The following MBNL3 variants were observed in gnomAD, a reference collection of about 807,000 sequenced individuals.
MBNL3 encodes the protein muscleblind-like protein 3.
Under a neutral mutation model 24.5 loss-of-function variants are expected in MBNL3, and 6 were observed. The observed-to-expected ratio is 0.25, with a 90% confidence interval of 0.13 to 0.48. MBNL3 has a LOEUF of 0.48. Among genes scored for constraint, MBNL3 ranks in the 20% least tolerant of loss-of-function variants. The pLI is 0.99. For missense variants in MBNL3, 230 were observed against 293.5 expected, an observed-to-expected ratio of 0.78 and a Z score of 1.58; for synonymous variants, 100 against 101.7, an observed-to-expected ratio of 0.98 and a Z score of 0.10.
Position 132,488,142 on chromosome X carries a change from T to C in MBNL3, c.-704+709A>G, listed in dbSNP as rs1948104211. Reference sequence around the variant, plus strand: ...GTAAGAACATCTAGGAGAAAATAACTCCTTTAAAACATATTACTTTAATTA... The same window carrying C: ...GTAAGAACATCTAGGAGAAAATAACCCCTTTAAAACATATTACTTTAATTA... On this transcript the variant is annotated intron_variant, in intron 1 of 8. Transcript: ENST00000370853. Among the ~76,000 whole-genome samples the C allele has an allele frequency of 1.8e-5, 2 of 111,482 alleles. 1 individual carries two copies. Among genetic ancestry groups the C allele is most frequent in the South Asian group, 7.5e-4 (2 of 2,665 alleles).
At chrX:132,446,434 TC>T (rs891270263) in intron 1 of MBNL3, among the ~76,000 whole-genome samples, 2 of 111,367 alleles carry the variant, frequency 1.8e-5, no homozygotes, top group Admixed American at 9.5e-5. Flanking sequence ...CATTCCTATT[TC>T]TCCACATCCT....
At chrX:132,463,917 GT>G (rs1461286052) in intron 1 of MBNL3, among the ~76,000 whole-genome samples, 3 of 111,970 alleles carry the variant, frequency 2.7e-5, no homozygotes, top group African/African-American at 9.7e-5. Flanking sequence ...AGCCATCACT[GT>G]CCCTAAAAAA....
At position 132,386,717 on chromosome X, in the gene MBNL3, T is replaced by C; in HGVS notation, c.866A>G (p.His289Arg). 3.3e-6 allele frequency: 4 copies of C among 1,210,773 alleles called. No homozygotes were observed. Among genetic ancestry groups the C allele is most frequent in the Non-Finnish European group, 4.5e-6 (4 of 895,372 alleles). Reference sequence around the variant, plus strand: ...CAGGTTAGTCAGAGCCTGTTGGCAGTGGAAAACAGTGGGATTAAAGACCGG... The same window carrying C: ...CAGGTTAGTCAGAGCCTGTTGGCAGCGGAAAACAGTGGGATTAAAGACCGG... ...ATPVFNPTVF[H>R]CQQALTNLQL... Residue 289 changes from histidine (H) to arginine (R), a missense_variant, in exon 6 of 9, where the codon CAC (histidine) becomes CGC (arginine). Transcript: ENST00000370853.
intron 3 of MBNL3, among the ~76,000 whole-genome samples, chrX:132,403,644 C>G (rs933020008): frequency 8.9e-6 from 1 of 111,783 alleles, no homozygotes; most frequent in African/African-American, 3.3e-5. Context: ...AAGCTACTCC[C>G]TATTCTCCAG....
intron 2 of MBNL3, among the ~76,000 whole-genome samples, chrX:132,407,031 G>GT (rs1212929219): frequency 8.9e-6 from 1 of 111,945 alleles, no homozygotes; most frequent in African/African-American, 3.2e-5. Context: ...GGGCAACTTT[G>GT]TTTTTGGACC....
chrX:132,381,580 T>C, intron 8 of MBNL3: 2 of 313,571 alleles, frequency 6.4e-6, no homozygotes, highest in Non-Finnish European at 1.1e-5. Context: ...AATTATTGTA[T>C]GTATCTCCTT....
At chrX:132,489,680 G>A (rs1948191496), upstream of MBNL3, 1 of 88,156 alleles carries the variant, frequency 1.1e-5, no homozygotes, top group Admixed American at 1.2e-4. Context: ...GCGCCAAAAC[G>A]GAAACTCCCG....
At chrX:132,489,628 A>G (rs1369827360), upstream of MBNL3, among the ~76,000 whole-genome samples, 113 of 111,338 alleles carry the variant, frequency 1.0e-3, no homozygotes, top group African/African-American at 3.5e-3. Flanking sequence ...CGCCGGACAG[A>G]CGCGGCACGC....
At chrX:132,481,231 G>C (rs1397047932) in intron 1 of MBNL3, among the ~76,000 whole-genome samples, 4 of 111,675 alleles carry the variant, frequency 3.6e-5, no homozygotes, top group African/African-American at 1.3e-4. Flanking sequence ...GATTTCTTTG[G>C]GGATAGACAC....
At chrX:132,442,817 G>A (rs1945455332) in intron 1 of MBNL3, among the ~76,000 whole-genome samples, 1 of 112,113 alleles carries the variant, frequency 8.9e-6, no homozygotes, top group African/African-American at 3.2e-5. Context: ...ATTCTTCAAA[G>A]CATTTCTAGC....
chrX:132,449,125 G>T (rs151105940), intron 1 of MBNL3, among the ~76,000 whole-genome samples: 1 of 111,781 alleles, frequency 8.9e-6, no homozygotes, highest in Non-Finnish European at 1.9e-5. Flanking sequence ...GGTTTGGGAC[G>T]GAGAGTTCTG....
intron 2 of MBNL3, among the ~76,000 whole-genome samples, chrX:132,429,295 G>T (rs1944549874): frequency 8.9e-6 from 1 of 112,361 alleles, no homozygotes; most frequent in Non-Finnish European, 1.9e-5. Flanking sequence ...GTACTAATGA[G>T]TATATAACAG....
At chrX:132,384,814 C>T in intron 6 of MBNL3, 116 bp from the exon 7 acceptor site, 1 of 546,774 alleles carries the variant, frequency 1.8e-6, no homozygotes, top group Non-Finnish European at 2.7e-6. Context: ...AATTACTCAG[C>T]ACATGCAAGT....
At chrX:132,425,875 A>T (rs1944264781) in intron 2 of MBNL3, among the ~76,000 whole-genome samples, 1 of 112,256 alleles carries the variant, frequency 8.9e-6, no homozygotes, top group East Asian at 2.8e-4. Flanking sequence ...CAGTTGGAGA[A>T]TATCCAACAG....
intron 1 of MBNL3, among the ~76,000 whole-genome samples, chrX:132,462,805 A>C (rs1946693450): frequency 1.8e-5 from 2 of 111,573 alleles, no homozygotes; most frequent in Admixed American, 1.9e-4. Context: ...TACGTGACAC[A>C]GTTCTTTCCT....
intron 1 of MBNL3, among the ~76,000 whole-genome samples, chrX:132,463,011 C>T (rs371049707): frequency 2.7e-5 from 3 of 111,642 alleles, no homozygotes; most frequent in African/African-American, 9.8e-5. Context: ...TTTTGAATAA[C>T]GTAAAGAATC....
intron 2 of MBNL3, 67 bp from the exon 3 acceptor site, chrX:132,406,459 A>G: frequency 3.0e-6 from 3 of 993,745 alleles, no homozygotes; most frequent in Non-Finnish European, 4.0e-6. Flanking sequence ...TTTGGACTCC[A>G]TTATCTGGGG....
At chrX:132,469,677 C>T (rs1360332789) in intron 1 of MBNL3, among the ~76,000 whole-genome samples, 1 of 112,310 alleles carries the variant, frequency 8.9e-6, no homozygotes, top group Admixed American at 9.4e-5. Flanking sequence ...TATATCATAT[C>T]TAAGTCAGTA....
In MBNL3 at chrX:132,463,937, C is replaced by A. The variant is rs1217332771; in HGVS notation, c.-703-23623G>T. On this transcript the variant is annotated intron_variant, in intron 1 of 8. Coordinates refer to ENST00000370853, the MANE Select transcript of MBNL3 (RefSeq NM_001386889.1). ...TCACTGTCCCTAAAAAATTTGTCTG[C>A]AATTTTTAAGGGGTTAGGGGAGAAT... is the stretch of plus-strand genomic sequence containing the variant. Among the ~76,000 whole-genome samples the A allele has an allele frequency of 1.1e-4, 12 of 111,615 alleles. No homozygotes were observed. In the Admixed American group the frequency reaches 1.1e-3, roughly 11 times the overall value.
Sources: allele counts gnomAD v4.1 joint callset (sites outside exome capture counted in the v4.1 genomes callset), GRCh38; gene constraint gnomAD v4.1.1; transcripts MANE v1.5; gene names NCBI Gene and HGNC (gene_info 2026-07-23, HGNC 2026-07-21).